The following ZAN variants were observed in gnomAD, a reference collection of about 807,000 sequenced individuals.
The protein encoded by ZAN is zonadhesin, also known as zonadhesin (gene/pseudogene).
In ZAN, 260 loss-of-function variants were observed where a neutral mutation model predicts 286.2. The ratio of observed to expected loss-of-function variants is 0.91; its 90% CI spans 0.82 to 1.01. The LOEUF (loss-of-function observed/expected upper bound fraction) is 1.01, where lower values mean the gene tolerates loss of function less well. ZAN is among the 50% of genes least tolerant of loss of function. ZAN has a pLI of 0.00. For missense variants in ZAN, 3,410 were observed against 3,639.2 expected (o/e 0.94, Z 1.62); for synonymous variants, 1,368 against 1,417.5 (o/e 0.97, Z 0.79).
chr7:100,742,187 C>T (rs1382721845), intron 7 of ZAN, among the ~76,000 whole-genome samples: 1 of 102,186 alleles, frequency 9.8e-6, no homozygotes, highest in African/African-American at 4.0e-5. Flanking sequence ...ACCTCCCAGA[C>T]GGGGTCTCGG....
chr7:100,760,310 C>G, intron 18 of ZAN, 81 bp from the exon 19 acceptor site: 1 of 1,557,724 alleles, frequency 6.4e-7, no homozygotes, highest in Non-Finnish European at 8.8e-7. Flanking sequence ...GTCCTGCCTC[C>G]CAGCTATGGA....
At position 100,767,844 on chromosome 7, in the gene ZAN, G is replaced by T. The variant is rs74848966; in HGVS notation, c.4874G>T (p.Arg1625Leu). ...RGCKVMLNGHRVALPVWLAQG... is the reference protein window; with the variant it reads ...RGCKVMLNGHLVALPVWLAQG... Reference sequence around the variant, plus strand: ...CTGCCTCTGCAGCTGAATGGCCATCGGGTGGCCCTACCTGTGTGGCTTGCA... The same window carrying T: ...CTGCCTCTGCAGCTGAATGGCCATCTGGTGGCCCTACCTGTGTGGCTTGCA... The change falls in exon 26 of 48, where the codon CGG (arginine) becomes CTG (leucine). Residue 1625 changes from arginine (R) to leucine (L), a missense_variant. By Grantham distance (102) the Arg-to-Leu change is moderately radical (BLOSUM62 -2). Coordinates refer to ENST00000613979, the MANE Select transcript of ZAN (RefSeq NM_003386.3). 1 of 1,612,956 alleles carries T rather than the reference G, an allele frequency of 6.2e-7. No homozygotes were observed.
intron 42 of ZAN, 124 bp from the exon 43 acceptor site, chr7:100,793,696 C>G: frequency 9.4e-7 from 1 of 1,060,240 alleles, no homozygotes; most frequent in Non-Finnish European, 1.3e-6. Flanking sequence ...CCTCATCCTC[C>G]CAAAGTGCTG....
rs750397923 is a variant in ZAN at position 100,794,248 on chromosome 7, C to G, written c.8115C>G (p.Gly2705=). The change falls in exon 44 of 48, where the codon GGC becomes GGG. Residue 2705 remains glycine (G), a synonymous_variant. Transcript: ENST00000613979. ...EVCTLGNHTQ[G]CFPESPCLQN... is the part of the protein sequence containing the mutation. ...GCACCCTGGGGAACCACACCCAAGGCTGCTTTCCAGGTGAACCTGCACTCC... is the reference window on the plus strand; with the variant it reads ...GCACCCTGGGGAACCACACCCAAGGGTGCTTTCCAGGTGAACCTGCACTCC... 1 of 1,603,352 alleles carries G rather than the reference C, an allele frequency of 6.2e-7. No individual in the cohort carries two copies. The highest frequency in any genetic ancestry group is 1.3e-5 in the African/African-American group (1 of 74,754).
At chr7:100,796,291 C>T (rs926554240) in intron 45 of ZAN, among the ~76,000 whole-genome samples, 2 of 152,076 alleles carry the variant, frequency 1.3e-5, no homozygotes, top group East Asian at 1.9e-4. Context: ...TTCCCATGGG[C>T]TTCTGGGCCA....
intron 9 of ZAN, 69 bp from the exon 10 acceptor site, chr7:100,748,068 C>T (rs1808352694): frequency 2.6e-5 from 34 of 1,305,604 alleles, no homozygotes; most frequent in Non-Finnish European, 3.4e-5. Context: ...GGAATGGAGT[C>T]GAGTTAGATC....
Position 100,736,766 on chromosome 7 carries a change from A to G in ZAN, c.254-43A>G. On this transcript the variant is annotated intron_variant, in intron 4 of 47. Coordinates refer to ENST00000613979, the MANE Select transcript of ZAN (RefSeq NM_003386.3). ...AAGGGGATGGGTGGGGGCAGCCCTC[A>G]GAGGTGGCTGGGCCTCAGTGTCTTG... 1.4e-6 allele frequency: 2 copies of G among 1,458,112 alleles called. 1 individual carries two copies. Among genetic ancestry groups the G allele is most frequent in the Non-Finnish European group, 1.9e-6 (2 of 1,075,956 alleles). The allele number at this position is 1,458,112 out of a possible 1,614,324, so 90.3% of individuals were successfully genotyped here.
intron 7 of ZAN, among the ~76,000 whole-genome samples, chr7:100,738,849 T>C (rs1472511157): frequency 2.5e-5 from 3 of 118,916 alleles, no homozygotes; most frequent in African/African-American, 8.8e-5. Flanking sequence ...GCTCTTCTTC[T>C]TCTTCTTTCT....
At position 100,797,379 on chromosome 7, in the gene ZAN, G is replaced by A. The variant is rs1309904598; in HGVS notation, c.8280G>A (p.Val2760=). 5 of 1,613,624 alleles carry A rather than the reference G, an allele frequency of 3.1e-6. No individual in the cohort carries two copies. Among genetic ancestry groups the A allele is most frequent in the Non-Finnish European group, 4.2e-6 (5 of 1,179,738 alleles). ...CGCACCCAGAAGCATCTAACCTGGTGGGCGTCCTACTGGGACTGCTGGTGC... is the reference window on the plus strand; with the variant it reads ...CGCACCCAGAAGCATCTAACCTGGTAGGCGTCCTACTGGGACTGCTGGTGC... ...PPPRKPASNL[V]GVLLGLLVPV... The change falls in exon 46 of 48, where the codon GTG becomes GTA. Residue 2760 remains valine, a synonymous_variant. Coordinates refer to ENST00000613979, the MANE Select transcript of ZAN (RefSeq NM_003386.3).
At chr7:100,750,413 G>A (rs1166123967) in intron 11 of ZAN, among the ~76,000 whole-genome samples, 3 of 152,160 alleles carry the variant, frequency 2.0e-5, no homozygotes, top group African/African-American at 7.2e-5. Context: ...GGGATTACAG[G>A]CATGAGCCAC....
chr7:100,759,865 C>A lies in ZAN; in HGVS notation c.3696+20C>A. On this transcript the variant is annotated intron_variant, in intron 18 of 47. Coordinates refer to ENST00000613979, the MANE Select transcript of ZAN (RefSeq NM_003386.3). ...ACTCTGGTGAGCCCCATTCCACCCC[C>A]ACCATCCTTGCAGGGTCTGACTGTG... is the stretch of plus-strand genomic sequence containing the variant. The A allele has an allele frequency of 6.2e-7, 1 of 1,609,444 alleles. No individual in the cohort carries two copies. The highest frequency in any genetic ancestry group is 8.5e-7 in the Non-Finnish European group (1 of 1,177,828).
At chr7:100,793,035 T>TA (rs1206372003) in intron 42 of ZAN, among the ~76,000 whole-genome samples, 1 of 126,970 alleles carries the variant, frequency 7.9e-6, no homozygotes, top group Non-Finnish European at 1.8e-5. Context: ...AGAAAGAAAT[T>TA]AAAAAAAGAA....
At position 100,748,113 on chromosome 7, in the gene ZAN, T is replaced by G. The variant is rs748153100; in HGVS notation, c.1024-24T>G. On this transcript the variant is annotated intron_variant, in intron 9 of 47. Transcript: ENST00000613979. ...GGGGTGTGGGCTGTGTGCTCACTCCTGCTCCATCTCCCTTTCTCTCCAGTT... is the reference window on the plus strand; with the variant it reads ...GGGGTGTGGGCTGTGTGCTCACTCCGGCTCCATCTCCCTTTCTCTCCAGTT... 2.5e-6 allele frequency: 4 copies of G among 1,608,866 alleles called. No individual in the cohort carries two copies. In the African/African-American group the frequency reaches 5.3e-5, roughly 22 times the overall value.
In ZAN at chr7:100,752,850, C is replaced by T. The variant is rs749395014; in HGVS notation, c.2745C>T (p.Ile915=). Residue 915 remains isoleucine, a synonymous_variant, in exon 14 of 48, where the codon ATC becomes ATT. Coordinates refer to ENST00000613979, the MANE Select transcript of ZAN (RefSeq NM_003386.3). ...KPTISPEKPT[I]STEKPTIPTE... is the part of the protein sequence containing the mutation. ...CCATCTCCCCAGAAAAACCCACCAT[C>T]TCCACGGAAAAACCCACCATCCCCA... 1 of 1,606,380 alleles carries T rather than the reference C, an allele frequency of 6.2e-7. No homozygotes were observed. The highest frequency in any genetic ancestry group is 1.1e-5 in the South Asian group (1 of 90,360).
chr7:100,757,646 T>C (rs889304719), intron 15 of ZAN, among the ~76,000 whole-genome samples: 1 of 151,202 alleles, frequency 6.6e-6, no homozygotes, highest in Non-Finnish European at 1.5e-5. Flanking sequence ...TCCCAGCTAC[T>C]CTGGAGGCTG....
intron 9 of ZAN, 135 bp from the exon 10 acceptor site, chr7:100,748,002 A>AT: frequency 1.4e-6 from 1 of 693,636 alleles, no homozygotes; most frequent in Non-Finnish European, 2.4e-6. Context: ...AAAAAAAAAA[A>AT]GAAAGAAAGA....
chr7:100,797,650 C>T, intron 47 of ZAN, 27 bp downstream of exon 47: 1 of 1,614,004 alleles, frequency 6.2e-7, no homozygotes, highest in South Asian at 1.1e-5. Flanking sequence ...CAGCCCGGAA[C>T]CTCGGGGCCT....
intron 8 of ZAN, 41 bp downstream of exon 8, chr7:100,746,743 G>T (rs760600255): frequency 6.2e-7 from 1 of 1,601,836 alleles, no homozygotes; most frequent in Non-Finnish European, 8.5e-7. Flanking sequence ...TGATCTGGGC[G>T]CATCTCCCAG....
At chr7:100,772,521 T>G (rs531121066) in intron 29 of ZAN, among the ~76,000 whole-genome samples, 64 of 152,124 alleles carry the variant, frequency 4.2e-4, no homozygotes, top group African/African-American at 1.5e-3. Flanking sequence ...GCTGTTGAAG[T>G]GTACATTTAA....
Sources: allele counts gnomAD v4.1 joint callset (sites outside exome capture counted in the v4.1 genomes callset), GRCh38; gene constraint gnomAD v4.1.1; transcripts MANE v1.5; gene names NCBI Gene and HGNC (gene_info 2026-07-23, HGNC 2026-07-21).